Variants in CACNA1I observed in about 807,000 individuals in gnomAD.
CACNA1I encodes the protein calcium voltage-gated channel subunit alpha1 I.
CACNA1I carries 74 observed loss-of-function variants against 201.6 expected under a neutral mutation model. That is an observed-to-expected ratio of 0.37 (90% CI 0.30 to 0.45). The LOEUF (loss-of-function observed/expected upper bound fraction) is 0.45. Among genes scored for constraint, CACNA1I ranks in the 20% least tolerant of loss-of-function variants. The probability of loss-of-function intolerance (pLI) is 1.00; values close to 1 mark genes in which losing one functional copy is unlikely to be tolerated. For missense variants in CACNA1I, 2,346 were observed against 3,138.1 expected, an observed-to-expected ratio of 0.75 and a Z score of 6.03; for synonymous variants, 1,431 against 1,345.2, an observed-to-expected ratio of 1.06 and a Z score of -1.40.
chr22:39,630,296 G>A (rs1368825247), intron 4 of CACNA1I, among the ~76,000 whole-genome samples: 4 of 152,192 alleles, frequency 2.6e-5, no homozygotes, highest in Non-Finnish European at 5.9e-5. Flanking sequence ...GAACGAGGAC[G>A]TGACCTTGTG....
intron 7 of CACNA1I, 38 bp from the exon 8 acceptor site, chr22:39,646,531 C>A: frequency 6.7e-7 from 1 of 1,499,336 alleles, no homozygotes; most frequent in East Asian, 2.5e-5. Flanking sequence ...CCCTCCATCC[C>A]TGTCCCTGTC....
intron 4 of CACNA1I, among the ~76,000 whole-genome samples, chr22:39,622,775 C>T (rs1933785322): frequency 7.2e-6 from 1 of 138,910 alleles, no homozygotes; most frequent in African/African-American, 2.6e-5. Flanking sequence ...GGTGTGGGCA[C>T]CTGGGTGGGC....
Position 39,686,188 on chromosome 22 carries a change from A to G in CACNA1I, c.6455A>G (p.Lys2152Arg), listed in dbSNP as rs1431732627. The G allele has an allele frequency of 4.2e-5, 54 of 1,280,684 alleles. No homozygotes were observed. Among genetic ancestry groups the G allele is most frequent in the Admixed American group, 3.5e-5 (1 of 28,542 alleles). 79.3% of individuals were successfully genotyped at this position (1,280,684 alleles called of 1,614,324 possible). A position where few individuals can be genotyped will look rare whatever the true frequency, so the allele number is the denominator to read the frequency against. Reference sequence around the variant, plus strand: ...GCCCCCGGCCTCACGCCCGCCAGGAAGTTCAGCAGCACCAGCAGCCTGGCC... The same window carrying G: ...GCCCCCGGCCTCACGCCCGCCAGGAGGTTCAGCAGCACCAGCAGCCTGGCC... Reference protein sequence around the residue: ...PPAPGLTPARKFSSTSSLAAP... With the variant: ...PPAPGLTPARRFSSTSSLAAP... The change falls in exon 37 of 37, where the codon AAG (lysine) becomes AGG (arginine). Residue 2152 changes from lysine to arginine, a missense_variant. Physicochemically the swap from Lys to Arg is conservative, Grantham distance 26 (BLOSUM62 2). Coordinates refer to ENST00000402142, the MANE Select transcript of CACNA1I (RefSeq NM_021096.4).
In CACNA1I at chr22:39,610,919, G is replaced by GC. The variant is rs1197067328; in HGVS notation, c.483-8390dup. ...TTTGGCCTGGATTGGCTGGTGTGGG[G>GC]CATGTGCTCATCCCTAAGCCAATCA... On this transcript the variant is annotated intron_variant, in intron 3 of 36. Coordinates refer to ENST00000402142, the MANE Select transcript of CACNA1I (RefSeq NM_021096.4). Among the ~76,000 whole-genome samples the GC allele has an allele frequency of 3.0e-4, 45 of 152,280 alleles. 1 individual carries two copies. The highest frequency in any genetic ancestry group is 3.4e-3 in the Middle Eastern group (1 of 294).
rs1049258369 is a variant in CACNA1I at position 39,659,418 on chromosome 22, C to T, written c.2331-15C>T. The T allele has an allele frequency of 6.6e-7, 1 of 1,510,740 alleles. No individual in the cohort carries two copies. The allele number at this position is 1,510,740 out of a possible 1,614,324, so 93.6% of individuals were successfully genotyped here. A position where few individuals can be genotyped will look rare whatever the true frequency, so the allele number is the denominator to read the frequency against. ...TGCATGTGAGTCCGATGAGCCTCTT[C>T]CATCCTTTCCCCAGCATCCTTGGGA... On this transcript the variant is annotated splice_polypyrimidine_tract_variant and intron_variant, in intron 12 of 36. Transcript: ENST00000402142. This position sits in a 1 kb window ranked among gnomAD's most constrained non-coding sequence, Gnocchi z 4.3.
intron 1 of CACNA1I, among the ~76,000 whole-genome samples, chr22:39,587,313 A>G (rs536695270): frequency 1.3e-5 from 2 of 152,370 alleles, no homozygotes; most frequent in South Asian, 2.1e-4. Flanking sequence ...CTGAGATGGC[A>G]TAGCTTATAA....
intron 5 of CACNA1I, among the ~76,000 whole-genome samples, chr22:39,635,045 C>G (rs183657498): frequency 2.0e-5 from 3 of 152,070 alleles, no homozygotes; most frequent in Non-Finnish European, 2.9e-5. Context: ...GACATTCCTC[C>G]GAGAGAGGAT....
At chr22:39,620,049 A>ATCCATCCACCCACCCACCCG in intron 4 of CACNA1I, among the ~76,000 whole-genome samples, 1 of 140,752 alleles carries the variant, frequency 7.1e-6, no homozygotes, top group Admixed American at 7.1e-5. Flanking sequence ...CCATCCATCC[A>ATCCATCCACCCACCCACCCG]TCCACCCACC....
chr22:39,588,340 A>G (rs1293623623), intron 1 of CACNA1I, among the ~76,000 whole-genome samples: 2 of 148,670 alleles, frequency 1.3e-5, no homozygotes, highest in African/African-American at 5.0e-5. Flanking sequence ...TTGAGCTCAC[A>G]AATCCTAATG....
At chr22:39,609,979 G>A (rs1280878851) in intron 3 of CACNA1I, among the ~76,000 whole-genome samples, 2 of 152,242 alleles carry the variant, frequency 1.3e-5, no homozygotes, top group African/African-American at 2.4e-5. Flanking sequence ...AGAGCCCAGT[G>A]CCTGTCAGCA....
At chr22:39,627,106 G>A (rs903973665) in intron 4 of CACNA1I, among the ~76,000 whole-genome samples, 4 of 152,136 alleles carry the variant, frequency 2.6e-5, no homozygotes, top group Non-Finnish European at 1.5e-5. Context: ...TTCTTTTAGC[G>A]TGTAGGCGCC....
At chr22:39,620,065 A>ACCCACCCG in intron 4 of CACNA1I, among the ~76,000 whole-genome samples, 1 of 94,496 alleles carries the variant, frequency 1.1e-5, no homozygotes, top group East Asian at 3.4e-4. Flanking sequence ...CCACCCACCC[A>ACCCACCCG]TCCACCCACC....
chr22:39,662,349 G>A lies in CACNA1I; in HGVS notation c.3286G>A (p.Gly1096Ser). The A allele has an allele frequency of 1.3e-6, 2 of 1,487,374 alleles. No individual in the cohort carries two copies. The highest frequency in any genetic ancestry group is 8.9e-7 in the Non-Finnish European group (1 of 1,126,352). 92.1% of individuals were successfully genotyped at this position (1,487,374 alleles called of 1,614,324 possible). Reference sequence around the variant, plus strand: ...GGCCCCCGGGCATGAGGACTGCAATGGCAGGATGCCCAGCATCGCCAAAGA... The same window carrying A: ...GGCCCCCGGGCATGAGGACTGCAATAGCAGGATGCCCAGCATCGCCAAAGA... ...GPAPGHEDCN[G>S]RMPSIAKDVF... The change falls in exon 17 of 37, where the codon GGC becomes AGC. Residue 1096 changes from glycine to serine, a missense_variant. This residue lies in a region of CACNA1I where 288 missense variants were observed against 255.2 expected (regional missense o/e 1.13). Transcript: ENST00000402142.
intron 1 of CACNA1I, among the ~76,000 whole-genome samples, chr22:39,593,827 T>C (rs1932850115): frequency 6.6e-6 from 1 of 152,224 alleles, no homozygotes; most frequent in Non-Finnish European, 1.5e-5. Flanking sequence ...CTTTTGTGTC[T>C]TGGTTTCCTT....
At chr22:39,636,873 T>C (rs193134498) in intron 5 of CACNA1I, among the ~76,000 whole-genome samples, 4 of 152,292 alleles carry the variant, frequency 2.6e-5, no homozygotes, top group Non-Finnish European at 5.9e-5. Context: ...AGCTCCGTCG[T>C]CAGGGCGGAG....
chr22:39,605,050 C>A (rs1216622517), intron 3 of CACNA1I, among the ~76,000 whole-genome samples: 1 of 151,476 alleles, frequency 6.6e-6, no homozygotes, highest in Non-Finnish European at 1.5e-5. Context: ...AGAGCCCAGC[C>A]CTCCGGTCCC....
chr22:39,589,712 G>T (rs1399001920), intron 1 of CACNA1I, among the ~76,000 whole-genome samples: 1 of 152,142 alleles, frequency 6.6e-6, no homozygotes, highest in African/African-American at 2.4e-5. Flanking sequence ...CTGGGATCTG[G>T]AACCTCAGGC....
At chr22:39,645,113 A>T (rs982996918) in intron 7 of CACNA1I, among the ~76,000 whole-genome samples, 1 of 151,784 alleles carries the variant, frequency 6.6e-6, no homozygotes, top group African/African-American at 2.4e-5. Flanking sequence ...CAGCTTCCTG[A>T]GTAGCTGGGA....
rs2146488451 is a variant in CACNA1I at position 39,685,723 on chromosome 22, C to T, written c.6028-38C>T. On this transcript the variant is annotated intron_variant, in intron 36 of 36. Transcript: ENST00000402142. This position sits in a 1 kb window ranked among gnomAD's most constrained non-coding sequence, Gnocchi z 5.0. ...GCGTCCAGGTTGCTGGGGTGGGGGC[C>T]GACACAGGCGGCCTCCACGGCTCCC... The T allele has an allele frequency of 2.1e-6, 3 of 1,413,064 alleles. No homozygotes were observed. The highest frequency in any genetic ancestry group is 2.7e-6 in the Non-Finnish European group (3 of 1,092,118). 87.5% of individuals were successfully genotyped at this position (1,413,064 alleles called of 1,614,324 possible).
Sources: gnomAD v4.1 joint callset for allele counts (sites outside exome capture counted in the v4.1 genomes callset) on GRCh38, gnomAD v4.1.1 for gene constraint, gnomAD v4.1.1 regional missense constraint, Gnocchi (gnomAD v3.1) non-coding constraint, MANE v1.5 for transcripts, NCBI Gene and HGNC (gene_info 2026-07-23, HGNC 2026-07-21) for gene names.